Variants in CES3 observed in about 807,000 individuals in gnomAD.
The protein encoded by CES3 is carboxylesterase 3 (brain).
In CES3, 49 loss-of-function variants were observed where a neutral mutation model predicts 57.6. The observed-to-expected ratio is 0.85, with a 90% CI of 0.68 to 1.08. The LOEUF (loss-of-function observed/expected upper bound fraction) is 1.08, where lower values mean the gene tolerates loss of function less well. Ranked by LOEUF, CES3 falls within the 50% of genes least tolerant of loss-of-function variation. CES3 has a pLI of 0.00. For missense variants in CES3, 645 were observed against 742.0 expected (o/e 0.87, Z 1.52); for synonymous variants, 266 against 281.6 (o/e 0.94, Z 0.55).
rs116149053 is a variant in CES3 at position 66,972,609 on chromosome 16, T to G, written c.1442-59T>G. 1,426 of 1,613,092 alleles carry G rather than the reference T, an allele frequency of 8.8e-4. 8 individuals are homozygous for G. The African/African-American group carries it at 0.017, about 19-fold the overall frequency. ...GTCTCCAGTCAGCACTGAGGATCCT[T>G]GGGTCCCTTCCAGGTCCCACCTGAC... On this transcript the variant is annotated intron_variant, in intron 11 of 12. Transcript: ENST00000303334.
At chr16:66,967,662 C>T (rs1158362865) in intron 8 of CES3, 1 of 985,050 alleles carries the variant, frequency 1.0e-6, no homozygotes, top group Non-Finnish European at 1.2e-6. Context: ...CCCATCTTCA[C>T]AGCAATCATT....
intron 7 of CES3, 132 bp from the exon 8 acceptor site, chr16:66,966,593 C>G: frequency 8.2e-7 from 1 of 1,217,986 alleles, no homozygotes; most frequent in Non-Finnish European, 1.2e-6. Context: ...CCCCCTTAAC[C>G]CTGGTGATCT....
At position 66,963,940 on chromosome 16, in the gene CES3, G is replaced by T. The variant is rs1597019456; in HGVS notation, c.560+5G>T. The T allele has an allele frequency of 5.0e-6, 8 of 1,612,002 alleles. No homozygotes were observed. The East Asian group carries it at 1.8e-4, about 36-fold the overall frequency. The stretch of plus-strand genomic sequence containing the variant: ...TGGGGTCCTTGGCTTCTTCAGGTGA[G>T]ACGACAGGCATGGCCAGAGCACTGC... On this transcript the variant is annotated splice_donor_5th_base_variant and intron_variant, in intron 4 of 12. Coordinates refer to ENST00000303334, the MANE Select transcript of CES3 (RefSeq NM_024922.6). This position sits in a 1 kb window ranked among gnomAD's most constrained non-coding sequence, Gnocchi z 4.9.
chr16:66,963,315 C>T lies in CES3; in HGVS notation c.219C>T (p.Asp73=), dbSNP rs1303974609. ...TTGCCCAGCCGCCACTGGGCCCTGACCGGTTCTCAGCCCCACACCCAGCAC... is the reference window on the plus strand; with the variant it reads ...TTGCCCAGCCGCCACTGGGCCCTGATCGGTTCTCAGCCCCACACCCAGCAC... ...IPFAQPPLGP[D]RFSAPHPAQP... is the part of the protein sequence containing the mutation. Residue 73 remains aspartate (D), a synonymous_variant, in exon 2 of 13, where the codon GAC becomes GAT. Transcript: ENST00000303334. The surrounding 1 kb of genome is among the most constrained non-coding windows in gnomAD (Gnocchi z 4.9). 2.5e-6 allele frequency: 4 copies of T among 1,613,826 alleles called. No individual in the cohort carries two copies. Among genetic ancestry groups the T allele is most frequent in the Non-Finnish European group, 3.4e-6 (4 of 1,180,020 alleles).
chr16:66,972,116 G>A (rs1272515275), intron 10 of CES3, among the ~76,000 whole-genome samples: 3 of 152,156 alleles, frequency 2.0e-5, no homozygotes, highest in Non-Finnish European at 4.4e-5. Context: ...CAGCCTGGTC[G>A]ACAGCAAGAC....
At position 66,963,154 on chromosome 16, in the gene CES3, C is replaced by T. The variant is rs370709963; in HGVS notation, c.83-25C>T. ...CCTCATGGGGGCTGCAAACTCACCC[C>T]GTGGCCTTTCTGTCCTTCCCTCAGG... On this transcript the variant is annotated intron_variant, in intron 1 of 12. Coordinates refer to ENST00000303334, the MANE Select transcript of CES3 (RefSeq NM_024922.6). This position sits in a 1 kb window ranked among gnomAD's most constrained non-coding sequence, Gnocchi z 4.9. The T allele has an allele frequency of 1.8e-4, 296 of 1,612,922 alleles. No individual in the cohort carries two copies. Among genetic ancestry groups the T allele is most frequent in the Admixed American group, 2.0e-4 (12 of 60,002 alleles).
At position 66,963,426 on chromosome 16, in the gene CES3, G is replaced by A. The variant is rs1195092868; in HGVS notation, c.287+43G>A. The A allele has an allele frequency of 1.9e-6, 3 of 1,611,028 alleles. No homozygotes were observed. Among genetic ancestry groups the A allele is most frequent in the Non-Finnish European group, 2.5e-6 (3 of 1,177,856 alleles). Reference sequence around the variant, plus strand: ...AGGCGGGCAAACAGGCAGGTTGCAGGAGAATCCTGCTGCTGGGGCTTGTGG... The same window carrying A: ...AGGCGGGCAAACAGGCAGGTTGCAGAAGAATCCTGCTGCTGGGGCTTGTGG... On this transcript the variant is annotated intron_variant, in intron 2 of 12. Transcript: ENST00000303334. This position sits in a 1 kb window ranked among gnomAD's most constrained non-coding sequence, Gnocchi z 4.9.
At chr16:66,964,328 A>G in intron 4 of CES3, 29 bp from the exon 5 acceptor site, 2 of 1,610,296 alleles carry the variant, frequency 1.2e-6, no homozygotes, top group Non-Finnish European at 1.7e-6. Context: ...GCCAGGCTGA[A>G]CTAACCGTTG....
rs770805886 is a variant in CES3 at position 66,972,728 on chromosome 16, C to T, written c.1502C>T (p.Thr501Ile). 6 of 1,614,192 alleles carry T rather than the reference C, an allele frequency of 3.7e-6. No individual in the cohort carries two copies. Among genetic ancestry groups the T allele is most frequent in the Non-Finnish European group, 5.1e-6 (6 of 1,180,026 alleles). ...AGCCTCACCATGATGGCCCAGTGGA[C>T]CCACTTTGCCCGGACAGGGTGAGTG... is the stretch of plus-strand genomic sequence containing the variant. Reference protein sequence around the residue: ...QLSLTMMAQWTHFARTGDPNS... With the variant: ...QLSLTMMAQWIHFARTGDPNS... The change falls in exon 12 of 13, where the codon ACC becomes ATC. Residue 501 changes from threonine (T) to isoleucine (I), a missense_variant. By Grantham distance (89) the Thr-to-Ile change is moderately conservative. Coordinates refer to ENST00000303334, the MANE Select transcript of CES3 (RefSeq NM_024922.6).
At chr16:66,967,378 GT>G in intron 8 of CES3, 2 of 439,724 alleles carry the variant, frequency 4.5e-6, no homozygotes, top group Non-Finnish European at 3.0e-6. Context: ...GGGGAACAAG[GT>G]TTTTGCACAA....
At chr16:66,962,111 G>T (rs554807775) in intron 1 of CES3, among the ~76,000 whole-genome samples, 1 of 152,308 alleles carries the variant, frequency 6.6e-6, no homozygotes, top group South Asian at 2.1e-4. Context: ...GGCAAGGCAG[G>T]CTAAAGAGGT....
intron 8 of CES3, chr16:66,967,592 A>G: frequency 1.0e-6 from 1 of 985,350 alleles, no homozygotes; most frequent in Non-Finnish European, 1.2e-6. Context: ...ACTTCCCACA[A>G]GAGTGTCAGC....
intron 8 of CES3, among the ~76,000 whole-genome samples, chr16:66,969,303 G>A (rs917797438): frequency 1.3e-5 from 2 of 152,188 alleles, no homozygotes; most frequent in African/African-American, 4.8e-5. Flanking sequence ...CTACTCGGGA[G>A]GCTGAGGCAG....
At position 66,966,747 on chromosome 16, in the gene CES3, C is replaced by T; in HGVS notation, c.944C>T (p.Thr315Ile). 1 of 1,614,200 alleles carries T rather than the reference C, an allele frequency of 6.2e-7. No individual in the cohort carries two copies. Among genetic ancestry groups the T allele is most frequent in the Non-Finnish European group, 8.5e-7 (1 of 1,180,036 alleles). ...CAGAAAAATACTATCTATCCTCTCA[C>T]CGTTGATGGCACTGTCTTCCCCAAA... ...KKLKNTIYPL[T>I]VDGTVFPKSP... Residue 315 changes from threonine (T) to isoleucine (I), a missense_variant, in exon 8 of 13, where the codon ACC (threonine) becomes ATC (isoleucine). Thr to Ile is a moderately conservative substitution (Grantham distance 89). Coordinates refer to ENST00000303334, the MANE Select transcript of CES3 (RefSeq NM_024922.6).
chr16:66,971,255 C>A lies in CES3; in HGVS notation c.1227C>A (p.Phe409Leu). The change falls in exon 10 of 13, where the codon TTC becomes TTA. Residue 409 changes from phenylalanine to leucine, a missense_variant. Transcript: ENST00000303334. ...NSDAQAKCQA[F>L]QEFMGDVFIN... is the part of the protein sequence containing the mutation. ...ACGCACAAGCCAAATGCCAGGCGTT[C>A]CAGGAATTCATGGGTGACGTATTCA... 2 of 1,614,110 alleles carry A rather than the reference C, an allele frequency of 1.2e-6. No homozygotes were observed. Among genetic ancestry groups the A allele is most frequent in the Non-Finnish European group, 1.7e-6 (2 of 1,179,996 alleles).
In CES3 at chr16:66,974,201, C is replaced by G. The variant is rs902524389; in HGVS notation, c.*1152C>G. On this transcript the variant is annotated 3_prime_UTR_variant, in exon 13 of 13. Coordinates refer to ENST00000303334, the MANE Select transcript of CES3 (RefSeq NM_024922.6). The stretch of plus-strand genomic sequence containing the variant: ...GCAGCACTTGAGGAGCCCTTCAACC[C>G]GCCGCTGCACTGTAGGAGCCCCTTT... 6.5e-6 allele frequency: 1 copy of G among 152,732 alleles called. No homozygotes were observed. Among genetic ancestry groups the G allele is most frequent in the Admixed American group, 6.5e-5 (1 of 15,302 alleles). 9.5% of individuals were successfully genotyped at this position (152,732 alleles called of 1,614,324 possible).
chr16:66,972,680 CCA>C lies in CES3; in HGVS notation c.1457_1458del (p.Thr486ArgfsTer25), dbSNP rs761516196. The C allele has an allele frequency of 6.2e-7, 1 of 1,614,200 alleles. No homozygotes were observed. Among genetic ancestry groups the C allele is most frequent in the East Asian group, 2.2e-5 (1 of 44,886 alleles). ...CTCACCTTTCCAGCCTTTCCAGAGGCCACAGAGGAGGAGAAGCAGCTAAGCCT... is the reference window on the plus strand; with the variant it reads ...CTCACCTTTCCAGCCTTTCCAGAGGCCAGAGGAGGAGAAGCAGCTAAGCCT... On this transcript the variant is annotated frameshift_variant, in exon 12 of 13. Transcript: ENST00000303334. LOFTEE classifies it high-confidence loss of function.
intron 9 of CES3, among the ~76,000 whole-genome samples, chr16:66,970,498 G>A (rs760185699): frequency 2.6e-5 from 4 of 152,376 alleles, no homozygotes; most frequent in Admixed American, 6.5e-5. Context: ...AAGGGGCAGA[G>A]GCAGAGTTTA....
Position 66,963,976 on chromosome 16 carries a change from G to A in CES3, c.560+41G>A, listed in dbSNP as rs1227933902. ...TGGCCAGAGCACTGCCTGCACCGGG[G>A]AGAGGCCAGCTCACCAGAGCAACTG... On this transcript the variant is annotated intron_variant, in intron 4 of 12. Transcript: ENST00000303334. This position sits in a 1 kb window ranked among gnomAD's most constrained non-coding sequence, Gnocchi z 4.9. 2 of 1,596,108 alleles carry A rather than the reference G, an allele frequency of 1.3e-6. No individual in the cohort carries two copies. The highest frequency in any genetic ancestry group is 1.7e-6 in the Non-Finnish European group (2 of 1,166,016).
Sources: gnomAD v4.1 joint callset for allele counts (sites outside exome capture counted in the v4.1 genomes callset) on GRCh38, gnomAD v4.1.1 for gene constraint, Gnocchi (gnomAD v3.1) non-coding constraint, MANE v1.5 for transcripts, NCBI Gene and HGNC (gene_info 2026-07-23, HGNC 2026-07-21) for gene names.